The following FLOT2 variants were observed in gnomAD, a reference collection of about 807,000 sequenced individuals.
FLOT2 encodes the protein flotillin-2.
A neutral mutation model predicts 54.9 loss-of-function variants in FLOT2; 35 were observed. The ratio of observed to expected loss-of-function variants is 0.64; its 90% CI spans 0.49 to 0.84. FLOT2 has a LOEUF of 0.84. Ranked by LOEUF, FLOT2 falls within the 40% of genes least tolerant of loss-of-function variation. The probability of loss-of-function intolerance (pLI) is 0.00; values close to 1 mark genes in which losing one functional copy is unlikely to be tolerated. For synonymous variants in FLOT2, 207 were observed against 228.9 expected (o/e 0.90, Z 0.86); for missense variants, 464 against 572.1 (o/e 0.81, Z 1.93).
intron 2 of FLOT2, among the ~76,000 whole-genome samples, chr17:28,885,382 G>A (rs768677189): frequency 1.3e-5 from 2 of 152,226 alleles, no homozygotes; most frequent in African/African-American, 2.4e-5. Context: ...CTGGGAACCC[G>A]CTGGCACACA....
Position 28,882,716 on chromosome 17 carries a change from G to C in FLOT2, c.347-25C>G, listed in dbSNP as rs1471154956. On this transcript the variant is annotated intron_variant, in intron 4 of 10. Coordinates refer to ENST00000394908, the MANE Select transcript of FLOT2 (RefSeq NM_004475.3). The surrounding 1 kb of genome is among the most constrained non-coding windows in gnomAD (Gnocchi z 5.6). ...CCTGGGGGCAGAGGGATCAAGGGCT[G>C]GCTCCCCAGGGACCCAGCCAGCTGG... The C allele has an allele frequency of 2.2e-5, 33 of 1,491,804 alleles. No individual in the cohort carries two copies. The highest frequency in any genetic ancestry group is 3.1e-5 in the Non-Finnish European group (33 of 1,070,392). The allele number at this position is 1,491,804 out of a possible 1,614,324, so 92.4% of individuals were successfully genotyped here.
chr17:28,887,902 G>C (rs539369207), intron 2 of FLOT2, among the ~76,000 whole-genome samples: 1 of 152,276 alleles, frequency 6.6e-6, no homozygotes, highest in African/African-American at 2.4e-5. Context: ...AGCGGTTACT[G>C]AGAACCAGTG....
In FLOT2 at chr17:28,879,511, G is replaced by A. The variant is rs1168684253; in HGVS notation, c.*1050C>T. On this transcript the variant is annotated 3_prime_UTR_variant, in exon 11 of 11. Transcript: ENST00000394908. ...ACATTCACAGCACCCCTGCCAAGAC[G>A]CTTGGGTCCTGGGCTCTTCTGCCTC... 7 of 986,068 alleles carry A rather than the reference G, an allele frequency of 7.1e-6. No homozygotes were observed. In the East Asian group the frequency reaches 3.4e-4, roughly 48 times the overall value. 61.1% of individuals were successfully genotyped at this position (986,068 alleles called of 1,614,324 possible).
intron 1 of FLOT2, among the ~76,000 whole-genome samples, chr17:28,892,035 C>G (rs1007910152): frequency 5.9e-5 from 9 of 152,148 alleles, no homozygotes; most frequent in Admixed American, 5.2e-4. Context: ...GGGTCTCTGT[C>G]TGTTTCTCTG....
intron 1 of FLOT2, among the ~76,000 whole-genome samples, chr17:28,892,093 C>T (rs751814874): frequency 8.5e-5 from 13 of 152,104 alleles, no homozygotes; most frequent in Non-Finnish European, 1.5e-4. Flanking sequence ...TAAGCCATTC[C>T]GGGCTTCTCT....
At chr17:28,880,691 C>T (rs769470236) in intron 10 of FLOT2, 22 bp downstream of exon 10, 3 of 1,614,124 alleles carry the variant, frequency 1.9e-6, no homozygotes, top group Admixed American at 1.7e-5. Flanking sequence ...GGCAACCCCA[C>T]CGCAGCTAGG....
At position 28,883,111 on chromosome 17, in the gene FLOT2, G is replaced by A; in HGVS notation, c.343C>T (p.Leu115Phe). ...CAAAGGCTGAACAGGGCCTCACCGA[G>A]GATGGAGCGCAGATGTCCCTCCAGG... is the stretch of plus-strand genomic sequence containing the variant. ...QTLEGHLRSI[L>F]GTLTVEQIYQ... Residue 115 changes from leucine to phenylalanine, a missense_variant, in exon 4 of 11, where the codon CTC (leucine) becomes TTC (phenylalanine). By Grantham distance (22) the Leu-to-Phe change is conservative (BLOSUM62 0). Transcript: ENST00000394908. This position sits in a 1 kb window ranked among gnomAD's most constrained non-coding sequence, Gnocchi z 5.0. 1 of 1,614,092 alleles carries A rather than the reference G, an allele frequency of 6.2e-7. No homozygotes were observed. Among genetic ancestry groups the A allele is most frequent in the Non-Finnish European group, 8.5e-7 (1 of 1,179,992 alleles).
intron 2 of FLOT2, chr17:28,885,811 G>T (rs2039530959): frequency 2.3e-6 from 3 of 1,311,828 alleles, no homozygotes; most frequent in Non-Finnish European, 3.2e-6. Context: ...CGCAGGGCAG[G>T]AAGAGAGAAG....
In FLOT2 at chr17:28,897,711, G is replaced by C; in HGVS notation, c.-137C>G. The C allele has an allele frequency of 1.5e-6, 1 of 689,390 alleles. No homozygotes were observed. The highest frequency in any genetic ancestry group is 2.0e-6 in the Non-Finnish European group (1 of 492,920). The allele number at this position is 689,390 out of a possible 1,614,324, so 42.7% of individuals were successfully genotyped here. On this transcript the variant is annotated 5_prime_UTR_variant, in exon 1 of 11. Coordinates refer to ENST00000394908, the MANE Select transcript of FLOT2 (RefSeq NM_004475.3). This position sits in a 1 kb window ranked among gnomAD's most constrained non-coding sequence, Gnocchi z 4.4. ...CGCTCGCTCGCCCGCGCCCCTCTGC[G>C]GTCGCAGCCCCGCCGGAAGTGTGGC...
Position 28,897,137 on chromosome 17 carries a change from G to GC in FLOT2, c.49+388dup, listed in dbSNP as rs1214060667. 2.2e-4 allele frequency among the ~76,000 whole-genome samples: 34 copies of GC among 152,122 alleles called. No homozygotes were observed. Among genetic ancestry groups the GC allele is most frequent in the Admixed American group, 2.2e-3 (34 of 15,288 alleles). ...CCTGCCCTCCAGGGCTGCGCGACCC[G>GC]CCCCCCATCCCGGGCGCTGGAATCC... On this transcript the variant is annotated intron_variant, in intron 1 of 10. Transcript: ENST00000394908. The surrounding 1 kb of genome is among the most constrained non-coding windows in gnomAD (Gnocchi z 4.4).
chr17:28,883,041 C>T lies in FLOT2; in HGVS notation c.346+67G>A. On this transcript the variant is annotated intron_variant, in intron 4 of 10. Transcript: ENST00000394908. The surrounding 1 kb of genome is among the most constrained non-coding windows in gnomAD (Gnocchi z 5.0). ...CTGTGAAACAGGCCCCCTGCCCAGC[C>T]CTGCACACCTCCCTGCCTTGGCTTA... The T allele has an allele frequency of 1.3e-6, 2 of 1,566,324 alleles. No homozygotes were observed. The highest frequency in any genetic ancestry group is 1.8e-6 in the Non-Finnish European group (2 of 1,141,622).
intron 8 of FLOT2, 43 bp downstream of exon 8, chr17:28,881,771 G>T (rs777532560): frequency 6.4e-7 from 1 of 1,570,758 alleles, no homozygotes. Context: ...GAAGGCAGAG[G>T]AGCCTGACTA....
intron 10 of FLOT2, 52 bp downstream of exon 10, chr17:28,880,661 C>T: frequency 1.2e-6 from 2 of 1,613,738 alleles, no homozygotes; most frequent in Non-Finnish European, 1.7e-6. Flanking sequence ...TTTGCCTGGG[C>T]CAGTCCGACG....
Position 28,880,713 on chromosome 17 carries a change from C to G in FLOT2, c.1248G>C (p.Lys416Asn). The change falls in exon 10 of 11, where the codon AAG becomes AAC. Residue 416 changes from lysine to asparagine, a missense_variant and splice_region_variant. Coordinates refer to ENST00000394908, the MANE Select transcript of FLOT2 (RefSeq NM_004475.3). ...VHALTGVDLS[K>N]IPLIKKATGV... ...CCACCGCAGCTAGGCAGGCACATAC[C>G]TTAGACAGGTCCACGCCTGTGAGGG... The G allele has an allele frequency of 6.2e-7, 1 of 1,614,212 alleles. No individual in the cohort carries two copies. The highest frequency in any genetic ancestry group is 8.5e-7 in the Non-Finnish European group (1 of 1,180,036).
chr17:28,882,974 T>C lies in FLOT2; in HGVS notation c.346+134A>G, dbSNP rs1051861724. ...CCTTAACTCAAGTCACCTGAAGTTT[T>C]GAAATTAAATATTTGAGGAAAAGTG... is the stretch of plus-strand genomic sequence containing the variant. On this transcript the variant is annotated intron_variant, in intron 4 of 10. Coordinates refer to ENST00000394908, the MANE Select transcript of FLOT2 (RefSeq NM_004475.3). This position sits in a 1 kb window ranked among gnomAD's most constrained non-coding sequence, Gnocchi z 5.6. 9.1e-6 allele frequency: 9 copies of C among 985,442 alleles called. No individual in the cohort carries two copies. The Middle Eastern group carries it at 9.6e-4, about 105-fold the overall frequency. 61.0% of individuals were successfully genotyped at this position (985,442 alleles called of 1,614,324 possible).
At chr17:28,895,569 T>A (rs535389780) in intron 1 of FLOT2, among the ~76,000 whole-genome samples, 9 of 152,192 alleles carry the variant, frequency 5.9e-5, no homozygotes, top group African/African-American at 2.2e-4. Flanking sequence ...GGCCAATAGA[T>A]TTTCAAGGTA....
Position 28,882,697 on chromosome 17 carries a change from GGC to G in FLOT2, c.347-8_347-7del. ...CTGCTCCACTGTCAGGGTCCCTGGG[GGC>G]AGAGGGATCAAGGGCTGGCTCCCCA... On this transcript the variant is annotated splice_polypyrimidine_tract_variant and splice_region_variant and intron_variant, in intron 4 of 10. Coordinates refer to ENST00000394908, the MANE Select transcript of FLOT2 (RefSeq NM_004475.3). The surrounding 1 kb of genome is among the most constrained non-coding windows in gnomAD (Gnocchi z 5.6). 6.3e-7 allele frequency: 1 copy of G among 1,597,558 alleles called. No homozygotes were observed. The highest frequency in any genetic ancestry group is 8.6e-7 in the Non-Finnish European group (1 of 1,165,544).
chr17:28,889,128 G>T, intron 1 of FLOT2, 102 bp from the exon 2 acceptor site: 1 of 892,730 alleles, frequency 1.1e-6, no homozygotes, highest in South Asian at 1.4e-5. Context: ...TCTGATACTT[G>T]ACAACGCCTA....
chr17:28,895,922 G>T (rs1295859115), intron 1 of FLOT2, among the ~76,000 whole-genome samples: 1 of 152,194 alleles, frequency 6.6e-6, no homozygotes, highest in Non-Finnish European at 1.5e-5. Flanking sequence ...GGTCCAAGGA[G>T]CAAGGCAGAC....
Sources: gnomAD v4.1 joint callset for allele counts (sites outside exome capture counted in the v4.1 genomes callset) on GRCh38, gnomAD v4.1.1 for gene constraint, Gnocchi (gnomAD v3.1) non-coding constraint, MANE v1.5 for transcripts, NCBI Gene and HGNC (gene_info 2026-07-23, HGNC 2026-07-21) for gene names.